MACF1: variants seen among roughly 807,000 people sequenced by gnomAD.
MACF1 encodes microtubule-actin cross-linking factor 1.
A neutral mutation model predicts 854.8 loss-of-function variants in MACF1; 193 were observed. The observed-to-expected ratio is 0.23, with a 90% confidence interval of 0.20 to 0.25. The LOEUF (loss-of-function observed/expected upper bound fraction) is 0.25. Among genes scored for constraint, MACF1 ranks in the 10% least tolerant of loss-of-function variants. The probability of loss-of-function intolerance (pLI) is 1.00; values close to 1 mark genes in which losing one functional copy is unlikely to be tolerated. For synonymous variants in MACF1, 3,185 were observed against 3,226.7 expected, an observed-to-expected ratio of 0.99 and a Z score of 0.44; for missense variants, 7,722 against 8,929.1, an observed-to-expected ratio of 0.86 and a Z score of 5.45.
At chr1:39,296,588 G>T (rs2148407070) in intron 20 of MACF1, among the ~76,000 whole-genome samples, 1 of 151,496 alleles carries the variant, frequency 6.6e-6, no homozygotes, top group South Asian at 2.1e-4. Context: ...AAATTAGCTG[G>T]GTGTGGTAGC....
rs572178898 is a variant in MACF1, at chr1:39,294,994, C to T, written c.2155-52C>T. On this transcript the variant is annotated intron_variant, in intron 18 of 100. Coordinates refer to ENST00000564288, the MANE Select transcript of MACF1 (RefSeq NM_001394062.1). Reference sequence around the variant, plus strand: ...GAACACAGCTTTTATTTATGCTATCCGCTCCCCACTGCCAAGAGTGCTTAT... The same window carrying T: ...GAACACAGCTTTTATTTATGCTATCTGCTCCCCACTGCCAAGAGTGCTTAT... 2.1e-4 allele frequency: 279 copies of T among 1,301,880 alleles called. 1 individual carries two copies. The highest frequency in any genetic ancestry group is 1.9e-3 in the South Asian group (157 of 83,312). The allele number at this position is 1,301,880 out of a possible 1,614,324, so 80.6% of individuals were successfully genotyped here. A position where few individuals can be genotyped will look rare whatever the true frequency, so the allele number is the denominator to read the frequency against.
intron 84 of MACF1, among the ~76,000 whole-genome samples, chr1:39,449,697 A>ATTT (rs4012670): frequency 0.066 from 8,573 of 129,660 alleles, 540 homozygotes; most frequent in African/African-American, 0.14. Flanking sequence ...CGCGCCTGGC[A>ATTT]TTTTTTTTTT....
intron 100 of MACF1, 80 bp from the exon 101 acceptor site, chr1:39,485,458 C>A: frequency 7.0e-7 from 1 of 1,438,246 alleles, no homozygotes; most frequent in Non-Finnish European, 9.3e-7. Context: ...CACACAGGAT[C>A]AGAACCCTAG....
chr1:39,412,291 A>G, intron 58 of MACF1: 1 of 1,614,018 alleles, frequency 6.2e-7, no homozygotes, highest in South Asian at 1.1e-5. Flanking sequence ...ATATGAATCA[A>G]ATTTACTAAC....
In MACF1 at chr1:39,269,015, A is replaced by T. The variant is rs1227348013; in HGVS notation, c.528+10987A>T. ...GGGTAGTCGATCGGGGGATGATAGT[A>T]CAGGTAAAGGAGAGATTCCAAGGGG... On this transcript the variant is annotated intron_variant, in intron 6 of 100. Transcript: ENST00000564288. The T allele has an allele frequency of 7.0e-6, 9 of 1,288,536 alleles. No individual in the cohort carries two copies. In the South Asian group the frequency reaches 1.1e-4, roughly 16 times the overall value. 79.8% of individuals were successfully genotyped at this position (1,288,536 alleles called of 1,614,324 possible). A position where few individuals can be genotyped will look rare whatever the true frequency, so the allele number is the denominator to read the frequency against.
At chr1:39,421,860 G>T (rs1405131904) in intron 58 of MACF1, among the ~76,000 whole-genome samples, 1 of 152,162 alleles carries the variant, frequency 6.6e-6, no homozygotes, top group Non-Finnish European at 1.5e-5. Flanking sequence ...GGATCACGAG[G>T]TCAGGAGATC....
chr1:39,460,884 G>T lies in MACF1; in HGVS notation c.21523+90G>T. Reference sequence around the variant, plus strand: ...GATATTCTAGCTAAACAGTCTTTCTGAAGCTGGCCAGGAGCTTGGCTCACA... The same window carrying T: ...GATATTCTAGCTAAACAGTCTTTCTTAAGCTGGCCAGGAGCTTGGCTCACA... On this transcript the variant is annotated intron_variant, in intron 92 of 100. Transcript: ENST00000564288. This position sits in a 1 kb window ranked among gnomAD's most constrained non-coding sequence, Gnocchi z 4.1. 1 of 1,480,392 alleles carries T rather than the reference G, an allele frequency of 6.8e-7. No homozygotes were observed. 91.7% of individuals were successfully genotyped at this position (1,480,392 alleles called of 1,614,324 possible).
chr1:39,119,317 C>CAAAAAAAAAAAAAAAAAAAAAAAAAAAA (rs745686071), intron 2 of MACF1, among the ~76,000 whole-genome samples: 1 of 84,762 alleles, frequency 1.2e-5, no homozygotes, highest in Non-Finnish European at 2.3e-5. Context: ...AACTCCGTCT[C>CAAAAAAAAAAAAAAAAAAAAAAAAAAAA]AAAAAAAAAA....
At chr1:39,330,400 T>C (rs1475469847) in intron 36 of MACF1, among the ~76,000 whole-genome samples, 7 of 152,222 alleles carry the variant, frequency 4.6e-5, no homozygotes, top group African/African-American at 1.4e-4. Flanking sequence ...ATCTCTCTTA[T>C]TCTATGGACC....
chr1:39,337,411 C>A (rs1261047486), intron 38 of MACF1, 80 bp downstream of exon 38: 2 of 1,426,392 alleles, frequency 1.4e-6, no homozygotes, highest in Non-Finnish European at 1.9e-6. Context: ...TCAAGACTTA[C>A]TAGAACCTGC....
chr1:39,344,757 T>G (rs1647009491), intron 40 of MACF1, among the ~76,000 whole-genome samples: 1 of 152,210 alleles, frequency 6.6e-6, no homozygotes, highest in Non-Finnish European at 1.5e-5. Flanking sequence ...GTTTAAACTC[T>G]GCCACTTTGC....
rs749528767 is a variant in MACF1 at position 39,387,884 on chromosome 1, G to A, written c.15042G>A (p.Glu5014=). 3.7e-6 allele frequency: 6 copies of A among 1,613,874 alleles called. No individual in the cohort carries two copies. The East Asian group carries it at 8.9e-5, about 24-fold the overall frequency. ...SLEEMTQRLR[E]FQESFKNIEK... Reference sequence around the variant, plus strand: ...AAGAAATGACTCAGAGGCTCAGGGAGTTCCAGGAAAGCTTTAAGAATATTG... The same window carrying A: ...AAGAAATGACTCAGAGGCTCAGGGAATTCCAGGAAAGCTTTAAGAATATTG... The change falls in exon 58 of 101, where the codon GAG becomes GAA. Residue 5014 remains glutamate (E), a synonymous_variant. Coordinates refer to ENST00000564288, the MANE Select transcript of MACF1 (RefSeq NM_001394062.1).
intron 2 of MACF1, among the ~76,000 whole-genome samples, chr1:39,234,685 C>CA: frequency 8.6e-6 from 1 of 116,708 alleles, no homozygotes; most frequent in East Asian, 2.8e-4. Context: ...GGCTGTCGGG[C>CA]GGAGACGCTC....
chr1:39,157,268 C>T (rs1643710744), intron 2 of MACF1, among the ~76,000 whole-genome samples: 1 of 152,214 alleles, frequency 6.6e-6, no homozygotes. Context: ...CCACACCCAG[C>T]CCCTTTCCAT....
Position 39,332,867 on chromosome 1 carries a change from T to C in MACF1, c.6279T>C (p.Asp2093=), listed in dbSNP as rs772923591. 1.2e-6 allele frequency: 2 copies of C among 1,614,150 alleles called. No individual in the cohort carries two copies. The highest frequency in any genetic ancestry group is 2.2e-5 in the South Asian group (2 of 91,080). Residue 2093 remains aspartate (D), a synonymous_variant, in exon 37 of 101, where the codon GAT becomes GAC. Coordinates refer to ENST00000564288, the MANE Select transcript of MACF1 (RefSeq NM_001394062.1). ...AAAAAGAGAGAAATCCAAACATTGA[T>C]GCTTTGAAGGTAATAAATAAAGTCA... ...VEQKERNPNI[D]ALKVINKVKL...
At chr1:39,198,041 C>T (rs937488341) in intron 2 of MACF1, among the ~76,000 whole-genome samples, 1 of 151,306 alleles carries the variant, frequency 6.6e-6, no homozygotes, top group African/African-American at 2.4e-5. Flanking sequence ...CTGCAAAAAA[C>T]ACAAAAATTA....
chr1:39,224,282 T>C (rs1173605799), intron 1 of MACF1, among the ~76,000 whole-genome samples: 1 of 152,064 alleles, frequency 6.6e-6, no homozygotes, highest in African/African-American at 2.4e-5. Flanking sequence ...TCTTGGGTCC[T>C]TGGACATCTG....
At chr1:39,320,171 A>C (rs909054956) in intron 31 of MACF1, among the ~76,000 whole-genome samples, 34 of 152,252 alleles carry the variant, frequency 2.2e-4, no homozygotes, top group African/African-American at 7.5e-4. Flanking sequence ...TTGTCTTCAA[A>C]CATGTCCCAC....
At chr1:39,359,358 G>A in intron 47 of MACF1, 94 bp downstream of exon 47, 1 of 1,404,506 alleles carries the variant, frequency 7.1e-7, no homozygotes, top group Non-Finnish European at 9.8e-7. Flanking sequence ...AAATATCTGT[G>A]GTGCCAGGCT....
Sources: gnomAD v4.1 joint callset for allele counts (sites outside exome capture counted in the v4.1 genomes callset) on GRCh38, gnomAD v4.1.1 for gene constraint, Gnocchi (gnomAD v3.1) non-coding constraint, MANE v1.5 for transcripts, NCBI Gene and HGNC (gene_info 2026-07-23, HGNC 2026-07-21) for gene names.